Variants in ROR2 observed in about 807,000 individuals in gnomAD.
ROR2 encodes ROR family WNT receptor 2.
Under a neutral mutation model 74.9 loss-of-function variants are expected in ROR2, and 33 were observed. The observed-to-expected ratio is 0.44, with a 90% CI of 0.33 to 0.59. The LOEUF (loss-of-function observed/expected upper bound fraction) is 0.59, where lower values mean the gene tolerates loss of function less well. ROR2 is among the 20% of genes least tolerant of loss of function. ROR2 has a pLI of 0.02. For missense variants in ROR2, 1,216 were observed against 1,313.8 expected (o/e 0.93, Z 1.15); for synonymous variants, 586 against 558.7 (o/e 1.05, Z -0.69).
At chr9:91,746,395 C>T (rs1437295349) in intron 4 of ROR2, among the ~76,000 whole-genome samples, 1 of 152,266 alleles carries the variant, frequency 6.6e-6, no homozygotes, top group Non-Finnish European at 1.5e-5. Context: ...TTTCTGCTCA[C>T]GTCATTTCTA....
chr9:91,759,788 G>C (rs1313743496), intron 2 of ROR2, among the ~76,000 whole-genome samples: 1 of 152,210 alleles, frequency 6.6e-6, no homozygotes, highest in African/African-American at 2.4e-5. Context: ...GCCCAGGTGG[G>C]AAGGGACCAG....
At chr9:91,875,071 G>A (rs958741482) in intron 1 of ROR2, among the ~76,000 whole-genome samples, 46 of 152,272 alleles carry the variant, frequency 3.0e-4, no homozygotes, top group African/African-American at 9.6e-4. Context: ...TTAACATATG[G>A]GTGGATCATT....
chr9:91,757,611 A>G, intron 2 of ROR2, 52 bp from the exon 3 acceptor site: 1 of 1,589,344 alleles, frequency 6.3e-7, no homozygotes, highest in Non-Finnish European at 8.6e-7. Context: ...GGCTGGAAGG[A>G]AGGGCTACCT....
intron 1 of ROR2, among the ~76,000 whole-genome samples, chr9:91,794,524 G>A (rs1178896550): frequency 1.3e-5 from 2 of 152,156 alleles, no homozygotes; most frequent in African/African-American, 4.8e-5. Context: ...AGAGGCTTTA[G>A]GGAGGGAAAC....
intron 1 of ROR2, among the ~76,000 whole-genome samples, chr9:91,854,945 G>A (rs1388067983): frequency 1.3e-5 from 2 of 152,106 alleles, no homozygotes; most frequent in African/African-American, 4.8e-5. Context: ...TTAGTAACTA[G>A]AAGATATGCC....
At chr9:91,907,409 G>A (rs557197830) in intron 1 of ROR2, among the ~76,000 whole-genome samples, 8 of 152,314 alleles carry the variant, frequency 5.3e-5, no homozygotes, top group African/African-American at 1.9e-4. Flanking sequence ...TGCCTCTCCT[G>A]AGTTCCTGGG....
At chr9:91,824,249 T>C (rs1206349473) in intron 1 of ROR2, among the ~76,000 whole-genome samples, 1 of 152,192 alleles carries the variant, frequency 6.6e-6, no homozygotes, top group Non-Finnish European at 1.5e-5. Context: ...AAGGAAATGA[T>C]GAAGCTGGGC....
At chr9:91,836,661 C>T (rs1828620518) in intron 1 of ROR2, among the ~76,000 whole-genome samples, 1 of 152,252 alleles carries the variant, frequency 6.6e-6, no homozygotes, top group African/African-American at 2.4e-5. Flanking sequence ...TGCCCCACCC[C>T]CGGTCTGGGG....
In ROR2 at chr9:91,831,212, G is replaced by T. The variant is rs150174327; in HGVS notation, c.98-55394C>A. ...GGAGGCGGAGGCTGTGGTGAGCCGAGATTGCACCACTGCACTCCAAGCCTA... is the reference window on the plus strand; with the variant it reads ...GGAGGCGGAGGCTGTGGTGAGCCGATATTGCACCACTGCACTCCAAGCCTA... On this transcript the variant is annotated intron_variant, in intron 1 of 8. Coordinates refer to ENST00000375708, the MANE Select transcript of ROR2 (RefSeq NM_004560.4). 2.2e-4 allele frequency among the ~76,000 whole-genome samples: 34 copies of T among 151,256 alleles called. No homozygotes were observed. In the East Asian group the frequency reaches 6.4e-3, roughly 29 times the overall value.
chr9:91,887,153 T>C (rs1194257540), intron 1 of ROR2: 2 of 152,222 alleles, frequency 1.3e-5, no homozygotes, highest in Admixed American at 6.5e-5. Flanking sequence ...GGAAATCTTT[T>C]GAGAGTTCCA....
chr9:91,786,445 C>T (rs966515740), intron 1 of ROR2, among the ~76,000 whole-genome samples: 1 of 152,088 alleles, frequency 6.6e-6, no homozygotes, highest in African/African-American at 2.4e-5. Flanking sequence ...TGAACTTGCT[C>T]TCTGCTGACA....
intron 2 of ROR2, among the ~76,000 whole-genome samples, chr9:91,763,165 C>T (rs947331203): frequency 1.3e-5 from 2 of 152,098 alleles, no homozygotes; most frequent in African/African-American, 4.8e-5. Context: ...GACACCAGGG[C>T]CTACGGGAGG....
intron 2 of ROR2, among the ~76,000 whole-genome samples, chr9:91,773,548 G>A (rs1292565117): frequency 6.6e-6 from 1 of 152,214 alleles, no homozygotes; most frequent in Non-Finnish European, 1.5e-5. Context: ...CCCATTGTGG[G>A]AGCCTCTTGC....
chr9:91,839,128 A>G (rs967424876), intron 1 of ROR2, among the ~76,000 whole-genome samples: 5 of 152,208 alleles, frequency 3.3e-5, no homozygotes, highest in African/African-American at 1.2e-4. Context: ...CAGCTTAGGA[A>G]AGAATTCACC....
At chr9:91,855,390 C>T (rs1443410485) in intron 1 of ROR2, among the ~76,000 whole-genome samples, 2 of 152,216 alleles carry the variant, frequency 1.3e-5, no homozygotes, top group African/African-American at 2.4e-5. Context: ...CAGGGCACGG[C>T]GTTCGGCCCT....
chr9:91,940,985 AT>A (rs1234191108), intron 1 of ROR2, among the ~76,000 whole-genome samples: 1 of 142,662 alleles, frequency 7.0e-6, no homozygotes, highest in Non-Finnish European at 1.5e-5. Flanking sequence ...AGAATTTAAC[AT>A]TTTTAATTCT....
At chr9:91,769,439 C>A (rs539913379) in intron 2 of ROR2, among the ~76,000 whole-genome samples, 3 of 152,328 alleles carry the variant, frequency 2.0e-5, no homozygotes, top group African/African-American at 7.2e-5. Context: ...ACCTTCAGAG[C>A]TGTCCTGGGG....
rs776304022 is a variant in ROR2 at position 91,757,559 on chromosome 9, C to G, written c.176G>C (p.Gly59Ala). The G allele has an allele frequency of 6.2e-7, 1 of 1,613,138 alleles. No homozygotes were observed. Residue 59 changes from glycine (G) to alanine (A), a missense_variant and splice_region_variant, in exon 3 of 9, where the codon GGT (glycine) becomes GCT (alanine). Transcript: ENST00000375708. The part of the protein sequence containing the change: ...GQDGPIPTLK[G>A]YFLNFLEPVN... The stretch of plus-strand genomic sequence containing the variant: ...TGGCTCCAGAAAATTCAGAAAGTAA[C>G]CTGCCAAGGAGAGCGGTCACAAAAG...
At chr9:91,844,082 G>T (rs555957259) in intron 1 of ROR2, among the ~76,000 whole-genome samples, 2 of 152,210 alleles carry the variant, frequency 1.3e-5, no homozygotes, top group African/African-American at 2.4e-5. Context: ...GCCATCAAAC[G>T]CGGAGCTGCA....
Sources: allele counts gnomAD v4.1 joint callset (sites outside exome capture counted in the v4.1 genomes callset), GRCh38; gene constraint gnomAD v4.1.1; transcripts MANE v1.5; gene names NCBI Gene and HGNC (gene_info 2026-07-23, HGNC 2026-07-21).